CHRM3: variants seen among roughly 807,000 people sequenced by gnomAD.
CHRM3 encodes cholinergic receptor muscarinic 3.
CHRM3 carries 11 observed loss-of-function variants against 41.8 expected under a neutral mutation model. The ratio of observed to expected loss-of-function variants is 0.26; its 90% CI spans 0.17 to 0.44. The LOEUF (loss-of-function observed/expected upper bound fraction) is 0.44. CHRM3 is among the 20% of genes least tolerant of loss of function. The pLI, the probability that CHRM3 is intolerant of heterozygous loss-of-function variation, is 1.00. For synonymous variants in CHRM3, 297 were observed against 301.4 expected (o/e 0.99, Z 0.15); for missense variants, 571 against 745.4 (o/e 0.77, Z 2.72).
At chr1:239,901,286 C>T (rs1022914799) in intron 6 of CHRM3, among the ~76,000 whole-genome samples, 1 of 152,092 alleles carries the variant, frequency 6.6e-6, no homozygotes, top group Admixed American at 6.5e-5. Context: ...TATCTGCCCC[C>T]TTTTAACTCT....
intron 4 of CHRM3, among the ~76,000 whole-genome samples, chr1:239,652,615 T>C (rs1299056484): frequency 2.6e-5 from 4 of 151,506 alleles, no homozygotes; most frequent in African/African-American, 9.7e-5. Flanking sequence ...TTCTCTATTT[T>C]CTCAACCATA....
At chr1:239,701,189 C>T (rs1288777934) in intron 5 of CHRM3, among the ~76,000 whole-genome samples, 2 of 152,192 alleles carry the variant, frequency 1.3e-5, no homozygotes, top group Non-Finnish European at 1.5e-5. Flanking sequence ...TAGAACTCTG[C>T]ACATAGTACC....
intron 2 of CHRM3, among the ~76,000 whole-genome samples, chr1:239,504,332 A>G (rs1668428463): frequency 1.3e-5 from 2 of 152,180 alleles, no homozygotes; most frequent in African/African-American, 4.8e-5. Flanking sequence ...CATCACTAAG[A>G]TCAAGGAACT....
chr1:239,627,905 A>T (rs1233410682), intron 3 of CHRM3, among the ~76,000 whole-genome samples: 1 of 149,804 alleles, frequency 6.7e-6, no homozygotes, highest in Non-Finnish European at 1.5e-5. Flanking sequence ...TTTGAGGGTA[A>T]CCCGACCATT....
intron 2 of CHRM3, among the ~76,000 whole-genome samples, chr1:239,526,172 A>G (rs1208086079): frequency 2.0e-5 from 3 of 152,064 alleles, no homozygotes; most frequent in Non-Finnish European, 4.4e-5. Context: ...CTGGCCCTGA[A>G]TCTTCTCTCA....
chr1:239,618,610 C>T (rs541457880), intron 3 of CHRM3, among the ~76,000 whole-genome samples: 53 of 151,648 alleles, frequency 3.5e-4, no homozygotes, highest in Admixed American at 7.2e-4. Context: ...TTTGGGAGGC[C>T]AAGGCGGTCG....
intron 6 of CHRM3, among the ~76,000 whole-genome samples, chr1:239,872,789 A>G (rs1340312883): frequency 6.6e-6 from 1 of 152,218 alleles, no homozygotes; most frequent in Non-Finnish European, 1.5e-5. Context: ...AGTAATATAC[A>G]TGCTGTGATA....
intron 5 of CHRM3, among the ~76,000 whole-genome samples, chr1:239,794,185 G>A (rs1359146284): frequency 6.6e-6 from 1 of 152,032 alleles, no homozygotes; most frequent in Non-Finnish European, 1.5e-5. Flanking sequence ...AGAGTATAGA[G>A]ATTAAATAAA....
At chr1:239,645,513 AAAG>A (rs1471172420) in intron 4 of CHRM3, among the ~76,000 whole-genome samples, 1 of 152,248 alleles carries the variant, frequency 6.6e-6, no homozygotes, top group Non-Finnish European at 1.5e-5. Flanking sequence ...GACTAAAAGA[AAAG>A]AAAATCCAAA....
chr1:239,465,189 G>C (rs932862392), intron 1 of CHRM3, among the ~76,000 whole-genome samples: 1 of 152,120 alleles, frequency 6.6e-6, no homozygotes, highest in African/African-American at 2.4e-5. Flanking sequence ...GGCCAGTCCA[G>C]CTGATGTACA....
chr1:239,633,751 C>T (rs1670134289), intron 4 of CHRM3, among the ~76,000 whole-genome samples: 2 of 133,744 alleles, frequency 1.5e-5, no homozygotes, highest in Admixed American at 8.2e-5. Flanking sequence ...ATCACAGCAA[C>T]AAAAGCCGAA....
At chr1:239,537,422 A>G (rs548538390) in intron 2 of CHRM3, among the ~76,000 whole-genome samples, 30 of 151,986 alleles carry the variant, frequency 2.0e-4, no homozygotes, top group Non-Finnish European at 3.5e-4. Flanking sequence ...GGGAGGTGTC[A>G]CTTACTTTAA....
intron 4 of CHRM3, among the ~76,000 whole-genome samples, chr1:239,666,277 C>T (rs1208993009): frequency 6.6e-6 from 1 of 151,848 alleles, no homozygotes; most frequent in Non-Finnish European, 1.5e-5. Flanking sequence ...TCACTGTAAC[C>T]TCCATCTCCC....
intron 5 of CHRM3, among the ~76,000 whole-genome samples, chr1:239,800,516 A>G (rs1016769449): frequency 5.3e-5 from 8 of 152,226 alleles, no homozygotes; most frequent in African/African-American, 1.9e-4. Context: ...CTCAACTTAA[A>G]CAAGCATGTG....
At chr1:239,802,232 G>A (rs548639730) in intron 5 of CHRM3, among the ~76,000 whole-genome samples, 4 of 152,146 alleles carry the variant, frequency 2.6e-5, no homozygotes, top group African/African-American at 4.8e-5. Context: ...CAAAAACCTT[G>A]AATTTTATCT....
At chr1:239,528,285 T>C (rs973021572) in intron 2 of CHRM3, among the ~76,000 whole-genome samples, 2 of 152,188 alleles carry the variant, frequency 1.3e-5, no homozygotes, top group Admixed American at 6.5e-5. Context: ...ATTCCTGCTG[T>C]TGTGCAAGGA....
intron 6 of CHRM3, among the ~76,000 whole-genome samples, chr1:239,834,924 A>G (rs1436581034): frequency 6.6e-6 from 1 of 152,206 alleles, no homozygotes; most frequent in African/African-American, 2.4e-5. Flanking sequence ...CTGAAGTTTA[A>G]CACATATGCT....
intron 4 of CHRM3, among the ~76,000 whole-genome samples, chr1:239,636,379 C>T (rs555173534): frequency 7.9e-5 from 12 of 152,274 alleles, no homozygotes; most frequent in Middle Eastern, 3.4e-3. Flanking sequence ...TTTCCCTTAG[C>T]ACATTTCAGA....
chr1:239,703,975 A>G (rs992953498), intron 5 of CHRM3: 1 of 152,234 alleles, frequency 6.6e-6, no homozygotes, highest in African/African-American at 2.4e-5. Context: ...TCAACTGGAA[A>G]GAGCTGGAAT....
Sources: gnomAD v4.1 joint callset for allele counts (sites outside exome capture counted in the v4.1 genomes callset) on GRCh38, gnomAD v4.1.1 for gene constraint, MANE v1.5 for transcripts, NCBI Gene and HGNC (gene_info 2026-07-23, HGNC 2026-07-21) for gene names.